The following GRB2 variants were observed in gnomAD, a reference collection of about 807,000 sequenced individuals.
GRB2 encodes the protein growth factor receptor bound protein 2, also known as growth factor receptor-bound protein 2.
In GRB2, 2 loss-of-function variants were observed where a neutral mutation model predicts 27.4. The observed-to-expected ratio is 0.07, with a 90% confidence interval of 0.03 to 0.23. GRB2 has a LOEUF of 0.23. Ranked by LOEUF, GRB2 falls within the 10% of genes least tolerant of loss-of-function variation. The pLI, the probability that GRB2 is intolerant of heterozygous loss-of-function variation, is 1.00. For synonymous variants in GRB2, 94 were observed against 99.6 expected (o/e 0.94, Z 0.33); for missense variants, 102 against 282.4 (o/e 0.36, Z 4.58).
At chr17:75,399,966 G>T (rs552127275) in intron 1 of GRB2, among the ~76,000 whole-genome samples, 2 of 151,894 alleles carry the variant, frequency 1.3e-5, no homozygotes, top group Non-Finnish European at 2.9e-5. Context: ...CACCGTGCCC[G>T]GCCCTGACCG....
Position 75,347,932 on chromosome 17 carries a change from T to C in GRB2, c.79-15135A>G, listed in dbSNP as rs1324379711. On this transcript the variant is annotated intron_variant, in intron 2 of 5. Coordinates refer to ENST00000316804, the MANE Select transcript of GRB2 (RefSeq NM_002086.5). ...TGTCTTTTGGAATGCATTAAGGACA[T>C]GCTCCTTTATATAAAGTGACATTTG... Among the ~76,000 whole-genome samples, 3 of 152,246 alleles carry C rather than the reference T, an allele frequency of 2.0e-5. No homozygotes were observed. The South Asian group carries it at 6.2e-4, about 32-fold the overall frequency.
intron 2 of GRB2, chr17:75,372,477 A>G (rs1407292317): frequency 2.0e-5 from 3 of 152,376 alleles, no homozygotes; most frequent in African/African-American, 7.2e-5. Flanking sequence ...CAAAGACCAC[A>G]ATAATCACCA....
intron 2 of GRB2, among the ~76,000 whole-genome samples, chr17:75,390,338 G>A (rs2145870351): frequency 6.6e-6 from 1 of 152,260 alleles, no homozygotes; most frequent in East Asian, 1.9e-4. Context: ...GCCCCTAAAT[G>A]GCAGTTGCAA....
At chr17:75,379,453 C>A (rs997238006) in intron 2 of GRB2, among the ~76,000 whole-genome samples, 1 of 150,810 alleles carries the variant, frequency 6.6e-6, no homozygotes, top group African/African-American at 2.4e-5. Flanking sequence ...GGCTGGAGTA[C>A]AGTGGGGCAA....
intron 2 of GRB2, among the ~76,000 whole-genome samples, chr17:75,365,721 C>A (rs1598240357): frequency 6.6e-6 from 1 of 152,112 alleles, no homozygotes; most frequent in African/African-American, 2.4e-5. Flanking sequence ...ACCGCCAGTA[C>A]AATGAGTCAT....
chr17:75,378,448 G>A (rs906465805), intron 2 of GRB2, among the ~76,000 whole-genome samples: 2 of 152,078 alleles, frequency 1.3e-5, no homozygotes, highest in African/African-American at 4.8e-5. Context: ...TTTTCATGTG[G>A]TCACCTGAGG....
chr17:75,359,140 A>G (rs1449147290), intron 2 of GRB2, among the ~76,000 whole-genome samples: 2 of 128,698 alleles, frequency 1.6e-5, no homozygotes, highest in African/African-American at 5.6e-5. Flanking sequence ...CCTTAAACCC[A>G]GGAGGGTTTG....
At chr17:75,347,664 A>G (rs558545893) in intron 2 of GRB2, among the ~76,000 whole-genome samples, 2 of 152,288 alleles carry the variant, frequency 1.3e-5, no homozygotes, top group Non-Finnish European at 2.9e-5. Context: ...ACACAGGACA[A>G]GACCTTGGGA....
At chr17:75,328,143 G>A (rs1452163478) in intron 3 of GRB2, among the ~76,000 whole-genome samples, 2 of 151,826 alleles carry the variant, frequency 1.3e-5, no homozygotes, top group African/African-American at 4.8e-5. Context: ...GGCCAACGTG[G>A]TGAAACCCAC....
chr17:75,363,066 A>G (rs1011557905), intron 2 of GRB2, among the ~76,000 whole-genome samples: 1 of 152,160 alleles, frequency 6.6e-6, no homozygotes, highest in Admixed American at 6.5e-5. Flanking sequence ...CCCAGCAGAC[A>G]GTTTGTTCTG....
At chr17:75,382,603 G>A (rs961290621) in intron 2 of GRB2, among the ~76,000 whole-genome samples, 3 of 152,186 alleles carry the variant, frequency 2.0e-5, no homozygotes, top group African/African-American at 7.2e-5. Flanking sequence ...AAAATGTTAG[G>A]ACAGAAAGTA....
At chr17:75,379,874 T>C (rs1432940906) in intron 2 of GRB2, among the ~76,000 whole-genome samples, 2 of 152,248 alleles carry the variant, frequency 1.3e-5, no homozygotes, top group African/African-American at 2.4e-5. Flanking sequence ...CATGAACCTC[T>C]GGAAAACTGC....
intron 2 of GRB2, among the ~76,000 whole-genome samples, chr17:75,380,369 A>G (rs2078920523): frequency 6.6e-6 from 1 of 151,138 alleles, no homozygotes; most frequent in Admixed American, 6.6e-5. Flanking sequence ...AAACTATTAT[A>G]GAAATGCACC....
intron 1 of GRB2, chr17:75,394,765 G>A (rs2079019900): frequency 6.6e-6 from 1 of 152,176 alleles, no homozygotes; most frequent in African/African-American, 2.4e-5. Context: ...CCTGTGCACA[G>A]CTTCTTAGAG....
intron 2 of GRB2, among the ~76,000 whole-genome samples, chr17:75,378,143 T>C (rs977870251): frequency 3.3e-5 from 5 of 151,846 alleles, no homozygotes; most frequent in Non-Finnish European, 7.4e-5. Flanking sequence ...TCCAGCACTT[T>C]GGGAGGCCGA....
At chr17:75,337,657 G>A (rs958131782) in intron 2 of GRB2, among the ~76,000 whole-genome samples, 87 of 148,768 alleles carry the variant, frequency 5.8e-4, no homozygotes, top group African/African-American at 2.0e-3. Flanking sequence ...TGCAAGGTCC[G>A]CCTCCTAGGT....
chr17:75,374,038 G>A (rs1230989274), intron 2 of GRB2, among the ~76,000 whole-genome samples: 9 of 151,320 alleles, frequency 5.9e-5, no homozygotes, highest in Non-Finnish European at 1.0e-4. Context: ...CTCACGATCC[G>A]CCCACCTCAG....
At chr17:75,359,877 A>C (rs1409647115) in intron 2 of GRB2, among the ~76,000 whole-genome samples, 2 of 152,050 alleles carry the variant, frequency 1.3e-5, no homozygotes, top group African/African-American at 2.4e-5. Flanking sequence ...CTCGGCTATT[A>C]ATCTTGGTAT....
chr17:75,343,049 CAAA>C (rs56264803), intron 2 of GRB2, among the ~76,000 whole-genome samples: 1 of 58,574 alleles, frequency 1.7e-5, no homozygotes, highest in Non-Finnish European at 3.0e-5. Flanking sequence ...AACCTTGTCT[CAAA>C]AAAAAAAAAA....
Sources: gnomAD v4.1 joint callset for allele counts (sites outside exome capture counted in the v4.1 genomes callset) on GRCh38, gnomAD v4.1.1 for gene constraint, MANE v1.5 for transcripts, NCBI Gene and HGNC (gene_info 2026-07-23, HGNC 2026-07-21) for gene names.